Variants in AMOTL1 observed in about 807,000 individuals in gnomAD.
AMOTL1 encodes angiomotin like 1, also known as angiomotin-like protein 1.
A neutral mutation model predicts 102.9 loss-of-function variants in AMOTL1; 45 were observed. That is an observed-to-expected ratio of 0.44 (90% CI 0.34 to 0.56). The LOEUF is 0.56. AMOTL1 is among the 20% of genes least tolerant of loss of function. The probability of loss-of-function intolerance (pLI) is 0.01; values close to 1 mark genes in which losing one functional copy is unlikely to be tolerated. For synonymous variants in AMOTL1, 481 were observed against 484.7 expected (o/e 0.99, Z 0.10); for missense variants, 1,114 against 1,225.6 (o/e 0.91, Z 1.36).
At chr11:94,740,737 T>C (rs1430861) in intron 2 of AMOTL1, among the ~76,000 whole-genome samples, 16,101 of 151,996 alleles carry the variant, frequency 0.11, 1,685 homozygotes, top group East Asian at 0.27. Context: ...GGCCGAGTTG[T>C]CCCCCAAGTT....
At chr11:94,709,883 C>G (rs1391619568) in intron 1 of AMOTL1, among the ~76,000 whole-genome samples, 3 of 152,150 alleles carry the variant, frequency 2.0e-5, no homozygotes, top group Non-Finnish European at 4.4e-5. Flanking sequence ...GAGATGGTGT[C>G]AGAAATAGAA....
chr11:94,823,942 A>T (rs541035695), intron 4 of AMOTL1, among the ~76,000 whole-genome samples: 3 of 151,566 alleles, frequency 2.0e-5, no homozygotes, highest in African/African-American at 7.3e-5. Context: ...GATGGTTTTG[A>T]TCTCCTGACC....
At chr11:94,769,746 A>G (rs77252364) in intron 1 of AMOTL1, among the ~76,000 whole-genome samples, 4,948 of 152,040 alleles carry the variant, frequency 0.033, 126 homozygotes, top group Non-Finnish European at 0.051. Context: ...TGGACCCAAC[A>G]TTTTGTCCCC....
At chr11:94,832,410 T>C (rs1185587832) in intron 6 of AMOTL1, among the ~76,000 whole-genome samples, 1 of 152,212 alleles carries the variant, frequency 6.6e-6, no homozygotes, top group Non-Finnish European at 1.5e-5. Context: ...GACTGGAAAA[T>C]AATTGGTTAA....
chr11:94,757,938 T>C (rs996293868), intron 3 of AMOTL1, among the ~76,000 whole-genome samples: 2 of 152,196 alleles, frequency 1.3e-5, no homozygotes, highest in African/African-American at 4.8e-5. Flanking sequence ...GGCGCATGCC[T>C]GCAATCCCAG....
At chr11:94,722,027 T>C (rs1950182454) in intron 1 of AMOTL1, among the ~76,000 whole-genome samples, 1 of 152,116 alleles carries the variant, frequency 6.6e-6, no homozygotes, top group Non-Finnish European at 1.5e-5. Flanking sequence ...GCCTAGCTCC[T>C]TCTCTCACAT....
In AMOTL1 at chr11:94,831,477, A is replaced by G. The variant is rs779941630; in HGVS notation, c.1584A>G (p.Gln528=). 1.3e-5 allele frequency: 21 copies of G among 1,613,742 alleles called. No individual in the cohort carries two copies. The highest frequency in any genetic ancestry group is 1.7e-5 in the Non-Finnish European group (20 of 1,179,782). ...ATCGACTAGAGACTGCTAACAGGCA[A>G]CTATCCAGCAGGGAATACGAAGGGC... The part of the protein sequence containing the change: ...LRDRLETANR[Q]LSSREYEGHE... The change falls in exon 6 of 13, where the codon CAA becomes CAG. Residue 528 remains glutamine (Q), a synonymous_variant. Transcript: ENST00000433060.
intron 1 of AMOTL1, among the ~76,000 whole-genome samples, chr11:94,782,488 G>C (rs956263413): frequency 6.6e-6 from 1 of 152,086 alleles, no homozygotes; most frequent in African/African-American, 2.4e-5. Flanking sequence ...TTGAACCATT[G>C]TTTTCCAGAT....
Position 94,771,259 on chromosome 11 carries a change from T to TGGCG in AMOTL1, c.49+2701_49+2702insCGGG, listed in dbSNP as rs1555067543. 2.1e-4 allele frequency among the ~76,000 whole-genome samples: 20 copies of TGGCG among 96,878 alleles called. No individual in the cohort carries two copies. The Admixed American group carries it at 2.3e-3, about 11-fold the overall frequency. 63.6% of individuals were successfully genotyped at this position (96,878 alleles called of 152,430 possible). On this transcript the variant is annotated intron_variant, in intron 1 of 12. Coordinates refer to ENST00000433060, the MANE Select transcript of AMOTL1 (RefSeq NM_130847.3). The stretch of plus-strand genomic sequence containing the variant: ...TATTTTCTTTTCTTTTTGGCGGGGT[T>TGGCG]GGGGGGGGGGTGCGGTGTGTGGCTA...
At chr11:94,831,986 C>T (rs919290470) in intron 6 of AMOTL1, among the ~76,000 whole-genome samples, 19 of 152,144 alleles carry the variant, frequency 1.2e-4, no homozygotes, top group African/African-American at 3.4e-4. Context: ...TCTAAGTGAT[C>T]GCATTATATA....
In AMOTL1 at chr11:94,747,867, T is replaced by C. The variant is rs574285564; in HGVS notation, c.136+6879T>C. Among the ~76,000 whole-genome samples, 74 of 152,306 alleles carry C rather than the reference T, an allele frequency of 4.9e-4. 2 individuals are homozygous for C. The highest frequency in any genetic ancestry group is 2.7e-3 in the Admixed American group (42 of 15,306). On this transcript the variant is annotated intron_variant, in intron 3 of 4. Transcript: ENST00000299004. ...GGTGAGCAAGAATGTTCACCCTTGATTGCCTCAGCCTGGAGGCAAAATACT... is the reference window on the plus strand; with the variant it reads ...GGTGAGCAAGAATGTTCACCCTTGACTGCCTCAGCCTGGAGGCAAAATACT...
intron 1 of AMOTL1, among the ~76,000 whole-genome samples, chr11:94,785,583 T>C (rs1951174304): frequency 6.6e-6 from 1 of 152,338 alleles, no homozygotes; most frequent in Non-Finnish European, 1.5e-5. Flanking sequence ...GAACGCATAT[T>C]GATTTAGGAG....
chr11:94,828,846 T>C (rs1952017429), intron 4 of AMOTL1, among the ~76,000 whole-genome samples: 1 of 152,166 alleles, frequency 6.6e-6, no homozygotes, highest in South Asian at 2.1e-4. Flanking sequence ...TGGGACCCAG[T>C]GAAGGGCACT....
rs1951448753 is a variant in AMOTL1 at position 94,800,168 on chromosome 11, G to C, written c.978G>C (p.Lys326Asn). ...KTKQMMSPVS[K>N]TQEHGLFYGD... ...AGCAAATGATGTCCCCAGTCAGCAA[G>C]ACCCAGGAGCACGGACTTTTTTATG... The change falls in exon 3 of 13, where the codon AAG becomes AAC. Residue 326 changes from lysine (K) to asparagine (N), a missense_variant. Coordinates refer to ENST00000433060, the MANE Select transcript of AMOTL1 (RefSeq NM_130847.3). 1 of 1,613,846 alleles carries C rather than the reference G, an allele frequency of 6.2e-7. No individual in the cohort carries two copies. Among genetic ancestry groups the C allele is most frequent in the South Asian group, 1.1e-5 (1 of 91,086 alleles).
At chr11:94,781,842 G>GA (rs780080729) in intron 1 of AMOTL1, among the ~76,000 whole-genome samples, 132 of 109,266 alleles carry the variant, frequency 1.2e-3, no homozygotes, top group East Asian at 1.3e-3. Context: ...TCAAAAAGAA[G>GA]AAAAAAAAAA....
chr11:94,712,878 GC>G (rs967582823), intron 1 of AMOTL1, among the ~76,000 whole-genome samples: 10 of 151,970 alleles, frequency 6.6e-5, no homozygotes, highest in Middle Eastern at 6.8e-3. Context: ...AATGGATTGT[GC>G]TTTTAGTGCA....
chr11:94,811,577 T>G (rs1951683745), intron 3 of AMOTL1, among the ~76,000 whole-genome samples: 1 of 152,066 alleles, frequency 6.6e-6, no homozygotes, highest in Admixed American at 6.6e-5. Context: ...ATGTGGGAAT[T>G]TAGCCAATTC....
rs776482810 is a variant in AMOTL1 at position 94,799,798 on chromosome 11, GGCA to G, written c.621_623del (p.Gln211del). 32 of 1,600,344 alleles carry G rather than the reference GGCA, an allele frequency of 2.0e-5. No individual in the cohort carries two copies. The highest frequency in any genetic ancestry group is 6.9e-5 in the Admixed American group (4 of 58,362). On this transcript the variant is annotated inframe_deletion, in exon 3 of 13. Transcript: ENST00000433060. The surrounding 1 kb of genome is among the most constrained non-coding windows in gnomAD (Gnocchi z 4.5). ...AAAGCACAGTCGCAGTTCTTCAGGG[GGCA>G]GCAGCAGCAGCAACAGCAGCAGGGG...
At chr11:94,761,039 G>T (rs1466987739) in intron 3 of AMOTL1, among the ~76,000 whole-genome samples, 1 of 152,134 alleles carries the variant, frequency 6.6e-6, no homozygotes, top group African/African-American at 2.4e-5. Flanking sequence ...CTCCCAAAGT[G>T]CTGGGATTAC....
Sources: allele counts gnomAD v4.1 joint callset (sites outside exome capture counted in the v4.1 genomes callset), GRCh38; gene constraint gnomAD v4.1.1; non-coding constraint Gnocchi (gnomAD v3.1); transcripts MANE v1.5; gene names NCBI Gene and HGNC (gene_info 2026-07-23, HGNC 2026-07-21).